The following TFDP1 variants were observed in gnomAD, a reference collection of about 807,000 sequenced individuals.
TFDP1 encodes DRTF1-polypeptide 1.
TFDP1 carries 6 observed loss-of-function variants against 48.0 expected under a neutral mutation model. The observed-to-expected ratio is 0.13, with a 90% CI of 0.07 to 0.25. The LOEUF is 0.25. TFDP1 is among the 10% of genes least tolerant of loss of function. The pLI is 1.00. For missense variants in TFDP1, 335 were observed against 543.0 expected (o/e 0.62, Z 3.81); for synonymous variants, 201 against 211.6 (o/e 0.95, Z 0.44).
Position 113,627,488 on chromosome 13 carries a change from C to T in TFDP1, c.187-4135C>T, listed in dbSNP as rs528518813. 2.6e-5 allele frequency among the ~76,000 whole-genome samples: 4 copies of T among 152,276 alleles called. No individual in the cohort carries two copies. The highest frequency in any genetic ancestry group is 2.1e-4 in the South Asian group (1 of 4,818). On this transcript the variant is annotated intron_variant, in intron 4 of 11. Transcript: ENST00000375370. The surrounding 1 kb of genome is among the most constrained non-coding windows in gnomAD (Gnocchi z 4.1). ...ACTGGCCCTGTCTCTCTGGACACCGCGGTTAACCTTGGTCCATCTCTAGGA... is the reference window on the plus strand; with the variant it reads ...ACTGGCCCTGTCTCTCTGGACACCGTGGTTAACCTTGGTCCATCTCTAGGA...
chr13:113,634,788 CGTGCGTGTGCATGCATGTGTGT>C (rs1352657644), intron 8 of TFDP1, among the ~76,000 whole-genome samples, 186 bp downstream of exon 8: 2 of 95,336 alleles, frequency 2.1e-5, no homozygotes, highest in Non-Finnish European at 4.2e-5. Context: ...AGGTTGTGCA[CGTGCGTGTGCATGCATGTGTGT>C]GTGCGTGCAT....
At chr13:113,626,863 CAGAGT>C (rs2049193247) in intron 4 of TFDP1, among the ~76,000 whole-genome samples, 1 of 152,172 alleles carries the variant, frequency 6.6e-6, no homozygotes, top group Non-Finnish European at 1.5e-5. Flanking sequence ...TGTGTCATAG[CAGAGT>C]TTGTCTGGGT....
At chr13:113,639,514 C>G (rs1480430873) in intron 11 of TFDP1, among the ~76,000 whole-genome samples, 1 of 152,210 alleles carries the variant, frequency 6.6e-6, no homozygotes, top group African/African-American at 2.4e-5. Context: ...ATTACTTCAT[C>G]AAAAGGCACA....
At chr13:113,622,096 C>T (rs986008165) in intron 3 of TFDP1, among the ~76,000 whole-genome samples, 17 of 152,236 alleles carry the variant, frequency 1.1e-4, no homozygotes, top group Admixed American at 3.9e-4. Flanking sequence ...GTCCAGTGGA[C>T]GCGTGACCCA....
rs528462942 is a variant in TFDP1, at chr13:113,598,671, C to T, written c.13-12325C>T. 6.6e-6 allele frequency among the ~76,000 whole-genome samples: 1 copy of T among 152,320 alleles called. No individual in the cohort carries two copies. The highest frequency in any genetic ancestry group is 2.1e-4 in the South Asian group (1 of 4,828). ...GAGGACCTGGGGTTCGTGTTGCCCTCCTGGGTGGAGTCTGCGTCCCCCTTT... is the reference window on the plus strand; with the variant it reads ...GAGGACCTGGGGTTCGTGTTGCCCTTCTGGGTGGAGTCTGCGTCCCCCTTT... On this transcript the variant is annotated intron_variant, in intron 2 of 11. Coordinates refer to ENST00000375370, the MANE Select transcript of TFDP1 (RefSeq NM_007111.5). This position sits in a 1 kb window ranked among gnomAD's most constrained non-coding sequence, Gnocchi z 4.2.
At chr13:113,640,066 G>A (rs2049603308) in intron 11 of TFDP1, 54 bp from the exon 12 acceptor site, 2 of 1,348,950 alleles carry the variant, frequency 1.5e-6, no homozygotes, top group Non-Finnish European at 1.0e-6. Flanking sequence ...TGAGGCGGGG[G>A]GAGGCTGGGT....
intron 2 of TFDP1, among the ~76,000 whole-genome samples, chr13:113,593,158 T>TAC: frequency 9.3e-6 from 1 of 107,378 alleles, no homozygotes; most frequent in African/African-American, 3.7e-5. Context: ...GTGTGCTGTG[T>TAC]GTGGGTCCTC....
At chr13:113,600,199 C>T (rs1350059342) in intron 2 of TFDP1, among the ~76,000 whole-genome samples, 2 of 151,740 alleles carry the variant, frequency 1.3e-5, no homozygotes, top group African/African-American at 4.8e-5. Flanking sequence ...CGTAGGGCTC[C>T]AGGACCGTGA....
chr13:113,608,786 C>G (rs1031640735), intron 2 of TFDP1, among the ~76,000 whole-genome samples: 8 of 152,186 alleles, frequency 5.3e-5, no homozygotes, highest in Admixed American at 4.6e-4. Flanking sequence ...GTGTCTTGGC[C>G]TTCATCTCCT....
At chr13:113,587,456 C>G (rs2048032408) in intron 2 of TFDP1, among the ~76,000 whole-genome samples, 1 of 148,392 alleles carries the variant, frequency 6.7e-6, no homozygotes, top group Admixed American at 6.7e-5. Flanking sequence ...GTGAACAAGT[C>G]AAGGAATTTG....
At chr13:113,591,025 A>G (rs1391794856) in intron 2 of TFDP1, among the ~76,000 whole-genome samples, 27 of 148,740 alleles carry the variant, frequency 1.8e-4, no homozygotes, top group South Asian at 8.5e-4. Flanking sequence ...AAAAAAAAAA[A>G]AAAAAGAAAA....
At chr13:113,613,906 C>T (rs575056004) in intron 3 of TFDP1, among the ~76,000 whole-genome samples, 11 of 141,336 alleles carry the variant, frequency 7.8e-5, no homozygotes, top group East Asian at 2.2e-4. Flanking sequence ...TGTGAGTTTG[C>T]GTGTGTGTGC....
chr13:113,614,486 G>C (rs1200485788), intron 3 of TFDP1, among the ~76,000 whole-genome samples: 1 of 152,206 alleles, frequency 6.6e-6, no homozygotes, highest in Admixed American at 6.5e-5. Context: ...CCAGGGCATG[G>C]TCGGTAGCAC....
intron 3 of TFDP1, among the ~76,000 whole-genome samples, chr13:113,617,622 AGCC>A (rs1347169243): frequency 7.4e-5 from 10 of 134,410 alleles, no homozygotes; most frequent in Non-Finnish European, 1.7e-4. Flanking sequence ...TCACCTGCAG[AGCC>A]GCTCACCTGC....
At chr13:113,614,238 TGA>T (rs763379775) in intron 3 of TFDP1, among the ~76,000 whole-genome samples, 2 of 151,742 alleles carry the variant, frequency 1.3e-5, no homozygotes, top group South Asian at 2.1e-4. Flanking sequence ...GTGTGTGAGT[TGA>T]GTGTGAGTTC....
intron 2 of TFDP1, among the ~76,000 whole-genome samples, chr13:113,595,750 T>C (rs1279393251): frequency 6.6e-6 from 1 of 152,220 alleles, no homozygotes; most frequent in Non-Finnish European, 1.5e-5. Context: ...CCGTCAGGCT[T>C]TTTAGCTGCT....
chr13:113,603,764 G>C (rs562719212), intron 2 of TFDP1, among the ~76,000 whole-genome samples: 1 of 152,314 alleles, frequency 6.6e-6, no homozygotes, highest in South Asian at 2.1e-4. Flanking sequence ...CACCTTTGCT[G>C]TTGGCTTATA....
chr13:113,585,895 TA>T, intron 2 of TFDP1, 46 bp downstream of exon 2: 1 of 1,588,398 alleles, frequency 6.3e-7, no homozygotes, highest in Non-Finnish European at 8.6e-7. Context: ...TGCCTCGCAC[TA>T]AATTCTTTGT....
At chr13:113,618,305 T>C (rs1206984852) in intron 3 of TFDP1, among the ~76,000 whole-genome samples, 1 of 152,222 alleles carries the variant, frequency 6.6e-6, no homozygotes, top group Non-Finnish European at 1.5e-5. Flanking sequence ...GTGGATCGCT[T>C]GAACTCAGGA....
Sources: gnomAD v4.1 joint callset for allele counts (sites outside exome capture counted in the v4.1 genomes callset) on GRCh38, gnomAD v4.1.1 for gene constraint, Gnocchi (gnomAD v3.1) non-coding constraint, MANE v1.5 for transcripts, NCBI Gene and HGNC (gene_info 2026-07-23, HGNC 2026-07-21) for gene names.